The following XPO7 variants were observed in gnomAD, a reference collection of about 807,000 sequenced individuals.
XPO7 encodes the protein exportin 7.
XPO7 carries 21 observed loss-of-function variants against 144.3 expected under a neutral mutation model. That is an observed-to-expected ratio of 0.15 (90% CI 0.10 to 0.21). XPO7 has a LOEUF of 0.21. Among genes scored for constraint, XPO7 ranks in the 10% least tolerant of loss-of-function variants. The pLI, the probability that XPO7 is intolerant of heterozygous loss-of-function variation, is 1.00. For missense variants in XPO7, 808 were observed against 1,325.8 expected (o/e 0.61, Z 6.06); for synonymous variants, 580 against 499.6 (o/e 1.16, Z -2.15).
At chr8:21,932,507 C>T (rs1026458842) in intron 1 of XPO7, among the ~76,000 whole-genome samples, 1 of 152,104 alleles carries the variant, frequency 6.6e-6, no homozygotes, top group Admixed American at 6.5e-5. Flanking sequence ...ATCTTTCTTC[C>T]CTTTAATGTT....
intron 1 of XPO7, among the ~76,000 whole-genome samples, chr8:21,926,320 T>A (rs781443127): frequency 3.9e-5 from 6 of 152,190 alleles, no homozygotes; most frequent in Non-Finnish European, 8.8e-5. Flanking sequence ...ATCTCATTGG[T>A]ACTTTGCATG....
intron 7 of XPO7, 29 bp downstream of exon 7, chr8:21,976,550 T>C: frequency 6.3e-7 from 1 of 1,597,792 alleles, no homozygotes. Context: ...CCTCAAAGGC[T>C]GTCTGTCACT....
chr8:21,950,476 T>C (rs1811334442), intron 1 of XPO7, among the ~76,000 whole-genome samples: 1 of 152,236 alleles, frequency 6.6e-6, no homozygotes, highest in Admixed American at 6.5e-5. Context: ...TTGGTGAGGT[T>C]ATGTTGACAT....
chr8:22,006,007 G>A lies in XPO7; in HGVS notation c.*919G>A, dbSNP rs1383962035. ...AGCCCACTGCTCTCCTGGGAGCAAT[G>A]TGGGTGAGTCCACCAGAGGCCCTGC... On this transcript the variant is annotated 3_prime_UTR_variant, in exon 28 of 28. Coordinates refer to ENST00000252512, the MANE Select transcript of XPO7 (RefSeq NM_015024.5). The A allele has an allele frequency of 6.6e-6, 1 of 152,276 alleles. No individual in the cohort carries two copies. The highest frequency in any genetic ancestry group is 1.5e-5 in the Non-Finnish European group (1 of 68,076). 9.4% of individuals were successfully genotyped at this position (152,276 alleles called of 1,614,324 possible). A position where few individuals can be genotyped will look rare whatever the true frequency, so the allele number is the denominator to read the frequency against.
chr8:21,936,777 G>A (rs1225675288), intron 1 of XPO7, among the ~76,000 whole-genome samples: 1 of 152,018 alleles, frequency 6.6e-6, no homozygotes, highest in Non-Finnish European at 1.5e-5. Flanking sequence ...TCCTATTAGT[G>A]GCCAGTGTGA....
At chr8:21,923,917 A>G (rs926894352) in intron 1 of XPO7, among the ~76,000 whole-genome samples, 2 of 152,212 alleles carry the variant, frequency 1.3e-5, no homozygotes, top group Non-Finnish European at 2.9e-5. Context: ...TGCAAGGAAG[A>G]TAGTGTTTTG....
chr8:21,984,958 C>T (rs1272220933), intron 12 of XPO7, 119 bp downstream of exon 12: 3 of 1,057,038 alleles, frequency 2.8e-6, no homozygotes, highest in African/African-American at 1.6e-5. Flanking sequence ...CATCTGTTGT[C>T]TCCATATGCA....
At position 21,998,745 on chromosome 8, in the gene XPO7, C is replaced by G. The variant is rs1417694430; in HGVS notation, c.2346-10C>G. 1 of 1,613,636 alleles carries G rather than the reference C, an allele frequency of 6.2e-7. No individual in the cohort carries two copies. The highest frequency in any genetic ancestry group is 8.5e-7 in the Non-Finnish European group (1 of 1,179,636). On this transcript the variant is annotated splice_polypyrimidine_tract_variant and intron_variant, in intron 21 of 27. Transcript: ENST00000252512. ...CTCTGACTTTTTCTCCTCCTGTGCT[C>G]TCTGCTCAGGTCCCAGCGACTCCAG...
chr8:21,939,042 C>T (rs1810908143), intron 1 of XPO7, among the ~76,000 whole-genome samples: 1 of 152,016 alleles, frequency 6.6e-6, no homozygotes, highest in Non-Finnish European at 1.5e-5. Context: ...TCACTGGATA[C>T]ATGAAATATA....
chr8:21,982,915 A>AATGAGACACGC, intron 11 of XPO7, 103 bp downstream of exon 11: 1 of 1,371,668 alleles, frequency 7.3e-7, no homozygotes, highest in Non-Finnish European at 9.8e-7. Flanking sequence ...AGCGTGTCTC[A>AATGAGACACGC]TTGGAGCCAC....
intron 21 of XPO7, among the ~76,000 whole-genome samples, chr8:21,997,567 G>A (rs141500404): frequency 2.0e-5 from 3 of 152,198 alleles, no homozygotes; most frequent in Non-Finnish European, 4.4e-5. Flanking sequence ...CCTGGTTGGT[G>A]GGGGGAGGCT....
At chr8:22,002,359 A>AC (rs1227593609) in intron 25 of XPO7, 87 bp downstream of exon 25, 16 of 1,458,210 alleles carry the variant, frequency 1.1e-5, no homozygotes, top group Non-Finnish European at 1.5e-5. Context: ...CACACGATTA[A>AC]CATGACATCT....
intron 27 of XPO7, among the ~76,000 whole-genome samples, chr8:22,004,309 T>C (rs762755266): frequency 2.0e-5 from 3 of 152,204 alleles, no homozygotes; most frequent in Admixed American, 1.3e-4. Flanking sequence ...AAATCCTGTG[T>C]ACTTTACATT....
chr8:21,975,126 G>A (rs989959846), intron 6 of XPO7, among the ~76,000 whole-genome samples: 10 of 152,224 alleles, frequency 6.6e-5, no homozygotes, highest in Admixed American at 2.6e-4. Flanking sequence ...TATATGGTGC[G>A]AAAGCATGTT....
At chr8:22,004,376 T>G (rs56742663) in intron 27 of XPO7, among the ~76,000 whole-genome samples, 5 of 152,276 alleles carry the variant, frequency 3.3e-5, no homozygotes, top group South Asian at 2.1e-4. Flanking sequence ...TGTATTTAGA[T>G]TTCATAAATT....
intron 1 of XPO7, among the ~76,000 whole-genome samples, chr8:21,922,262 C>G (rs1810313493): frequency 6.6e-6 from 1 of 152,118 alleles, no homozygotes; most frequent in Admixed American, 6.5e-5. Context: ...TTGGATATCT[C>G]TCTTCTAAGG....
At chr8:22,003,349 G>T in intron 26 of XPO7, 32 bp downstream of exon 26, 1 of 1,557,970 alleles carries the variant, frequency 6.4e-7, no homozygotes, top group South Asian at 1.2e-5. Flanking sequence ...TGCCAACCCA[G>T]AAGCAGTGGC....
At chr8:21,947,263 G>A (rs1187169794) in intron 1 of XPO7, among the ~76,000 whole-genome samples, 1 of 152,112 alleles carries the variant, frequency 6.6e-6, no homozygotes, top group Admixed American at 6.5e-5. Context: ...TTACTCAAGA[G>A]GGGAGGGATA....
At chr8:21,999,015 C>T in intron 22 of XPO7, 76 bp from the exon 23 acceptor site, 1 of 1,560,344 alleles carries the variant, frequency 6.4e-7, no homozygotes, top group Non-Finnish European at 8.8e-7. Flanking sequence ...AATTTGTATG[C>T]CTTTGGAGTA....
Sources: gnomAD v4.1 joint callset for allele counts (sites outside exome capture counted in the v4.1 genomes callset) on GRCh38, gnomAD v4.1.1 for gene constraint, MANE v1.5 for transcripts, NCBI Gene and HGNC (gene_info 2026-07-23, HGNC 2026-07-21) for gene names.